TUSC3: variants seen among roughly 807,000 people sequenced by gnomAD.
TUSC3 encodes the protein dolichyl-diphosphooligosaccharide--protein glycosyltransferase subunit TUSC3.
TUSC3 carries 45 observed loss-of-function variants against 44.8 expected under a neutral mutation model. That is an observed-to-expected ratio of 1.00 (90% CI 0.79 to 1.29). The LOEUF (loss-of-function observed/expected upper bound fraction) is 1.29, where lower values mean the gene tolerates loss of function less well. Ranked by LOEUF, TUSC3 falls within the 50% of genes most tolerant of loss-of-function variation. The pLI is 0.00. For missense variants in TUSC3, 519 were observed against 437.9 expected, an observed-to-expected ratio of 1.19 and a Z score of -1.65; for synonymous variants, 212 against 152.9, an observed-to-expected ratio of 1.39 and a Z score of -2.85.
intron 6 of TUSC3, among the ~76,000 whole-genome samples, chr8:15,696,477 A>G (rs1348369176): frequency 1.3e-5 from 2 of 152,122 alleles, no homozygotes; most frequent in Non-Finnish European, 2.9e-5. Context: ...AGCACTGTGG[A>G]AGGGAAATGT....
chr8:15,709,370 G>T (rs563557378), intron 6 of TUSC3, among the ~76,000 whole-genome samples: 2 of 152,034 alleles, frequency 1.3e-5, no homozygotes, highest in South Asian at 4.1e-4. Context: ...GATAAGTCCT[G>T]TTAGAGAAAT....
the TUSC3 span, among the ~76,000 whole-genome samples, chr8:15,823,466 G>C: frequency 6.6e-6 from 1 of 152,074 alleles, no homozygotes; most frequent in African/African-American, 2.4e-5. Flanking sequence ...CTTTCTCTAA[G>C]TTTCCCTAAA....
chr8:15,846,105 C>T, the TUSC3 span, among the ~76,000 whole-genome samples: 1 of 152,118 alleles, frequency 6.6e-6, no homozygotes, highest in Non-Finnish European at 1.5e-5. Flanking sequence ...GATTCAATTA[C>T]CTCCCCCTGA....
chr8:15,430,733 T>G (rs921277903), intron 1 of TUSC3, among the ~76,000 whole-genome samples: 2 of 151,646 alleles, frequency 1.3e-5, no homozygotes, highest in Non-Finnish European at 2.9e-5. Flanking sequence ...GAAAACCCCA[T>G]TGTCTCAGCC....
chr8:15,825,633 ATTC>A, the TUSC3 span, among the ~76,000 whole-genome samples: 1 of 152,190 alleles, frequency 6.6e-6, no homozygotes. Context: ...CACTGCTCTT[ATTC>A]TTAAGGAAAT....
chr8:15,798,144 T>C, the TUSC3 span, among the ~76,000 whole-genome samples: 6 of 152,206 alleles, frequency 3.9e-5, no homozygotes, highest in Non-Finnish European at 7.3e-5. Context: ...TCTGGCAATA[T>C]GGGACAAAGA....
chr8:15,727,536 C>G (rs1810545581), intron 6 of TUSC3, among the ~76,000 whole-genome samples: 2 of 151,990 alleles, frequency 1.3e-5, no homozygotes, highest in African/African-American at 4.8e-5. Context: ...CTAAGTAAAT[C>G]CTGAAGGCTC....
upstream of TUSC3, among the ~76,000 whole-genome samples, chr8:15,536,135 A>G (rs2129131250): frequency 6.6e-6 from 1 of 152,316 alleles, no homozygotes; most frequent in African/African-American, 2.4e-5. Flanking sequence ...GGTTCCAACA[A>G]AGGGAACAGC....
chr8:15,637,976 C>G (rs1449679997), intron 2 of TUSC3, among the ~76,000 whole-genome samples: 1 of 152,144 alleles, frequency 6.6e-6, no homozygotes, highest in African/African-American at 2.4e-5. Context: ...TCTGCTTCTT[C>G]TAAGTTGTTT....
rs1585779414 is a variant in TUSC3 at position 15,418,016 on chromosome 8, A to G, written n.91+711A>G. Among the ~76,000 whole-genome samples the G allele has an allele frequency of 2.0e-5, 3 of 152,346 alleles. No homozygotes were observed. The East Asian group carries it at 5.8e-4, about 29-fold the overall frequency. ...CTGACACTTTATAACACTTGAAAAC[A>G]AAAGCTTCCCAGGTTCCGTTAGATA... On this transcript the variant is annotated intron_variant and non_coding_transcript_variant, in intron 1 of 5. Coordinates refer to the TUSC3 transcript ENST00000503191.
At chr8:15,452,336 A>G (rs1208213944) in intron 1 of TUSC3, among the ~76,000 whole-genome samples, 2 of 152,196 alleles carry the variant, frequency 1.3e-5, no homozygotes, top group Non-Finnish European at 2.9e-5. Flanking sequence ...ATCAAACACA[A>G]AATTTGGATG....
intron 8 of TUSC3, among the ~76,000 whole-genome samples, chr8:15,746,877 C>A (rs1811440095): frequency 6.7e-6 from 1 of 149,966 alleles, no homozygotes; most frequent in South Asian, 2.1e-4. Flanking sequence ...GTATCTGGGT[C>A]CTGGTATGTG....
chr8:15,807,040 T>A, the TUSC3 span: 1 of 1,426,852 alleles, frequency 7.0e-7, no homozygotes, highest in Non-Finnish European at 9.9e-7. Flanking sequence ...AAATCCTGGT[T>A]ATCGGCGATG....
chr8:15,653,393 ATAT>A (rs1220566926), intron 3 of TUSC3, among the ~76,000 whole-genome samples: 6 of 152,194 alleles, frequency 3.9e-5, no homozygotes, highest in Admixed American at 1.3e-4. Context: ...ATCTTCTGTG[ATAT>A]TATTATCTTT....
At chr8:15,425,145 T>G (rs761949010) in intron 1 of TUSC3, among the ~76,000 whole-genome samples, 16 of 152,092 alleles carry the variant, frequency 1.1e-4, no homozygotes, top group Non-Finnish European at 1.6e-4. Context: ...CAATGAAAGG[T>G]AATGTCTTGC....
chr8:15,550,462 A>G (rs780483470), intron 1 of TUSC3, among the ~76,000 whole-genome samples: 2 of 151,698 alleles, frequency 1.3e-5, no homozygotes, highest in Non-Finnish European at 2.9e-5. Flanking sequence ...TTCAGGCTAA[A>G]TAACAAAGCT....
intron 6 of TUSC3, among the ~76,000 whole-genome samples, chr8:15,686,302 G>C (rs892542184): frequency 6.6e-6 from 1 of 151,952 alleles, no homozygotes; most frequent in East Asian, 1.9e-4. Flanking sequence ...GAACAAATGC[G>C]TTATTTTCAA....
the TUSC3 span, among the ~76,000 whole-genome samples, chr8:15,772,051 T>G: frequency 5.9e-4 from 89 of 151,880 alleles, no homozygotes; most frequent in Non-Finnish European, 6.8e-4. Flanking sequence ...ATCGCGCCAC[T>G]GCACTCTAGC....
intron 6 of TUSC3, among the ~76,000 whole-genome samples, chr8:15,682,890 G>A (rs748020461): frequency 1.5e-4 from 23 of 151,598 alleles, no homozygotes; most frequent in Non-Finnish European, 2.4e-4. Flanking sequence ...TGGGAAAGGC[G>A]TTATTTTTTC....
Sources: allele counts gnomAD v4.1 joint callset (sites outside exome capture counted in the v4.1 genomes callset), GRCh38; gene constraint gnomAD v4.1.1; transcripts MANE v1.5; gene names NCBI Gene and HGNC (gene_info 2026-07-23, HGNC 2026-07-21).